RBFOX1: variants seen among roughly 807,000 people sequenced by gnomAD.
RBFOX1 encodes RNA binding protein fox-1 homolog 1.
RBFOX1 carries 8 observed loss-of-function variants against 57.7 expected under a neutral mutation model. That is an observed-to-expected ratio of 0.14 (90% CI 0.08 to 0.25). The LOEUF is 0.25. Among genes scored for constraint, RBFOX1 ranks in the 10% least tolerant of loss-of-function variants. RBFOX1 has a pLI of 1.00. For missense variants in RBFOX1, 611 were observed against 548.5 expected, an observed-to-expected ratio of 1.11 and a Z score of -1.14; for synonymous variants, 326 against 222.4, an observed-to-expected ratio of 1.47 and a Z score of -4.15.
intron 4 of RBFOX1, among the ~76,000 whole-genome samples, chr16:7,346,401 T>C (rs1019590207): frequency 6.6e-6 from 1 of 152,020 alleles, no homozygotes; most frequent in Non-Finnish European, 1.5e-5. Context: ...AGGAGCTTCA[T>C]TAAGGAGCAT....
intron 2 of RBFOX1, among the ~76,000 whole-genome samples, chr16:6,611,092 C>T (rs1321589883): frequency 1.3e-5 from 2 of 152,138 alleles, no homozygotes; most frequent in Non-Finnish European, 2.9e-5. Flanking sequence ...AGGAAACCAA[C>T]AGGAACCCAT....
At chr16:6,960,684 C>G (rs997328345) in intron 3 of RBFOX1, among the ~76,000 whole-genome samples, 1 of 152,048 alleles carries the variant, frequency 6.6e-6, no homozygotes, top group Non-Finnish European at 1.5e-5. Flanking sequence ...GGACCAGCAT[C>G]TCCTGTCTCT....
chr16:7,175,302 A>T (rs1008842613), intron 4 of RBFOX1, among the ~76,000 whole-genome samples: 1 of 152,098 alleles, frequency 6.6e-6, no homozygotes, highest in Admixed American at 6.6e-5. Context: ...AAAGTGCATG[A>T]TCTTTCAATG....
At chr16:6,750,541 G>C (rs142467851) in intron 3 of RBFOX1, among the ~76,000 whole-genome samples, 1,801 of 152,324 alleles carry the variant, frequency 0.012, 23 homozygotes, top group African/African-American at 0.037. Flanking sequence ...ATAGAAGAAT[G>C]TTAAAATAAA....
At chr16:7,038,734 G>C (rs1030833216) in intron 3 of RBFOX1, among the ~76,000 whole-genome samples, 5 of 152,142 alleles carry the variant, frequency 3.3e-5, no homozygotes, top group Non-Finnish European at 5.9e-5. Context: ...CGTGCTGCCT[G>C]GGGCTGCCAT....
intron 3 of RBFOX1, among the ~76,000 whole-genome samples, chr16:5,783,176 A>T (rs1597234161): frequency 6.6e-6 from 1 of 152,258 alleles, no homozygotes; most frequent in East Asian, 1.9e-4. Context: ...AACACACAAT[A>T]TTTACATATA....
intron 1 of RBFOX1, chr16:6,038,531 G>GATATATATATAT (rs3048348): frequency 1.6e-4 from 22 of 133,956 alleles, no homozygotes; most frequent in Middle Eastern, 4.0e-3. Context: ...TATCCGTGGA[G>GATATATATATAT]ATATATATAT....
In RBFOX1 at chr16:7,040,512, G is replaced by A. The variant is rs140957044; in HGVS notation, c.-15-11545G>A. Among the ~76,000 whole-genome samples, 32 of 152,232 alleles carry A rather than the reference G, an allele frequency of 2.1e-4. No homozygotes were observed. In the East Asian group the frequency reaches 6.0e-3, roughly 29 times the overall value. On this transcript the variant is annotated intron_variant, in intron 3 of 15. Coordinates refer to ENST00000550418, the MANE Select transcript of RBFOX1 (RefSeq NM_018723.4). ...CATGCTCATTGCAATAAGTTGAAGT[G>A]ATATAACAGAATCCAAGATTAAAAA...
chr16:5,808,356 G>A (rs370696421), intron 3 of RBFOX1, among the ~76,000 whole-genome samples: 2 of 152,182 alleles, frequency 1.3e-5, no homozygotes, highest in Non-Finnish European at 2.9e-5. Flanking sequence ...GTAGCTTGAT[G>A]CCTCCAGCTA....
chr16:6,974,564 T>C (rs572448142), intron 3 of RBFOX1, among the ~76,000 whole-genome samples: 1 of 152,110 alleles, frequency 6.6e-6, no homozygotes, highest in South Asian at 2.1e-4. Context: ...AGGCTGGTCT[T>C]GATCTCCTGA....
chr16:6,976,631 A>G (rs573012700), intron 3 of RBFOX1, among the ~76,000 whole-genome samples: 46 of 151,426 alleles, frequency 3.0e-4, no homozygotes, highest in African/African-American at 1.1e-3. Flanking sequence ...GGAAGAACGC[A>G]TCCACCCTAG....
chr16:6,785,677 G>A (rs11865244), intron 3 of RBFOX1, among the ~76,000 whole-genome samples: 7,799 of 152,158 alleles, frequency 0.051, 543 homozygotes, highest in East Asian at 0.28. Context: ...CATGTACCAT[G>A]TTCCATGTGA....
intron 4 of RBFOX1, among the ~76,000 whole-genome samples, chr16:6,003,613 A>G (rs897777662): frequency 9.9e-5 from 15 of 152,132 alleles, no homozygotes; most frequent in Non-Finnish European, 2.9e-5. Context: ...CTGATCACCT[A>G]CATTGGAGTG....
At chr16:5,636,209 A>G (rs2108994) in intron 3 of RBFOX1, among the ~76,000 whole-genome samples, 132,469 of 152,128 alleles carry the variant, frequency 0.87, 58,062 homozygotes, top group Non-Finnish European at 0.91. Flanking sequence ...TTAGCTGGGT[A>G]TGGTAGCAGA....
intron 1 of RBFOX1, among the ~76,000 whole-genome samples, chr16:6,284,597 G>A (rs539985400): frequency 6.6e-6 from 1 of 152,166 alleles, no homozygotes; most frequent in Non-Finnish European, 1.5e-5. Flanking sequence ...TAAATACGGT[G>A]TTGATGTTTT....
At chr16:7,493,174 G>A (rs985370833) in intron 4 of RBFOX1, among the ~76,000 whole-genome samples, 8 of 152,146 alleles carry the variant, frequency 5.3e-5, no homozygotes, top group Non-Finnish European at 1.0e-4. Flanking sequence ...GCCACTGTGC[G>A]CAGCCTTAAG....
chr16:7,162,107 A>G (rs955804990), intron 4 of RBFOX1, among the ~76,000 whole-genome samples: 1 of 152,200 alleles, frequency 6.6e-6, no homozygotes, highest in African/African-American at 2.4e-5. Flanking sequence ...CTTGCCAGAG[A>G]AACCCCTCTA....
intron 1 of RBFOX1, among the ~76,000 whole-genome samples, chr16:6,087,389 A>G (rs993389720): frequency 2.0e-5 from 3 of 152,248 alleles, no homozygotes; most frequent in Admixed American, 2.0e-4. Context: ...TATCTACAGA[A>G]ATAGGATAAA....
At chr16:6,229,701 A>C (rs1598586977) in intron 1 of RBFOX1, among the ~76,000 whole-genome samples, 2 of 142,792 alleles carry the variant, frequency 1.4e-5, no homozygotes, top group African/African-American at 2.5e-5. Flanking sequence ...CCAGATTTTC[A>C]AGGCTTAAAA....
Sources: allele counts gnomAD v4.1 joint callset (sites outside exome capture counted in the v4.1 genomes callset), GRCh38; gene constraint gnomAD v4.1.1; transcripts MANE v1.5; gene names NCBI Gene and HGNC (gene_info 2026-07-23, HGNC 2026-07-21).